Variants in CFAP54 observed in about 807,000 individuals in gnomAD.
CFAP54 encodes cilia- and flagella-associated protein 54.
In CFAP54, 290 loss-of-function variants were observed where a neutral mutation model predicts 370.4. The ratio of observed to expected loss-of-function variants is 0.78; its 90% CI spans 0.71 to 0.86. The LOEUF is 0.86. Ranked by LOEUF, CFAP54 falls within the 40% of genes least tolerant of loss-of-function variation. CFAP54 has a pLI of 0.00. For missense variants in CFAP54, 3,399 were observed against 3,528.7 expected (o/e 0.96, Z 0.93); for synonymous variants, 1,206 against 1,236.5 (o/e 0.98, Z 0.52).
chr12:96,715,331 G>A (rs1957664940), intron 48 of CFAP54, among the ~76,000 whole-genome samples: 1 of 152,154 alleles, frequency 6.6e-6, no homozygotes, highest in Admixed American at 6.6e-5. Flanking sequence ...TGTCAACAGA[G>A]AATTGGATTT....
intron 17 of CFAP54, among the ~76,000 whole-genome samples, chr12:96,559,425 C>G (rs1955792453): frequency 6.6e-6 from 1 of 152,058 alleles, no homozygotes; most frequent in Non-Finnish European, 1.5e-5. Flanking sequence ...AAAAAGTTAA[C>G]TGTGGTAAAC....
rs4617640 is a variant in CFAP54 at position 96,664,781 on chromosome 12, A to C, written c.5563+849A>C. Among the ~76,000 whole-genome samples, 14 of 25,914 alleles carry C rather than the reference A, an allele frequency of 5.4e-4. 1 individual carries two copies. The highest frequency in any genetic ancestry group is 5.2e-4 in the Non-Finnish European group (8 of 15,402). 17.0% of individuals were successfully genotyped at this position (25,914 alleles called of 152,430 possible). On this transcript the variant is annotated intron_variant, in intron 39 of 67. Transcript: ENST00000524981. ...TATATATATCTATATCTATATCTAT[A>C]TATATATATATATATATATATATAT...
intron 62 of CFAP54, among the ~76,000 whole-genome samples, chr12:96,787,783 T>A (rs1958642943): frequency 6.6e-6 from 1 of 152,156 alleles, no homozygotes; most frequent in African/African-American, 2.4e-5. Flanking sequence ...ATTTCAGAGA[T>A]ACTTTCTAAG....
intron 60 of CFAP54, among the ~76,000 whole-genome samples, chr12:96,780,221 G>T (rs955322474): frequency 2.6e-5 from 4 of 152,108 alleles, no homozygotes; most frequent in African/African-American, 9.6e-5. Flanking sequence ...ATAATGGTTT[G>T]TATGCTTTTT....
chr12:96,682,609 C>T (rs1432455528), intron 40 of CFAP54, among the ~76,000 whole-genome samples: 1 of 152,122 alleles, frequency 6.6e-6, no homozygotes, highest in African/African-American at 2.4e-5. Flanking sequence ...CTCTTGGGCT[C>T]AAGCTATAAG....
At chr12:96,506,121 C>A (rs899169332) in intron 3 of CFAP54, among the ~76,000 whole-genome samples, 1 of 152,004 alleles carries the variant, frequency 6.6e-6, no homozygotes, top group Admixed American at 6.6e-5. Flanking sequence ...AGGCGGATCA[C>A]GAGGTCAGGA....
chr12:96,521,541 TGTGTGTGC>T (rs56981701), intron 6 of CFAP54, among the ~76,000 whole-genome samples: 43,411 of 118,778 alleles, frequency 0.37, 6,364 homozygotes, highest in East Asian at 0.54. Context: ...TGTGTGTGTG[TGTGTGTGC>T]GCGTGCGCAC....
chr12:96,858,149 T>A (rs1959765160), intron 66 of CFAP54, among the ~76,000 whole-genome samples: 1 of 152,220 alleles, frequency 6.6e-6, no homozygotes, highest in Non-Finnish European at 1.5e-5. Context: ...TCCCTTTTTC[T>A]CTGCAACCTT....
chr12:96,679,423 A>G (rs1957246104), intron 39 of CFAP54, among the ~76,000 whole-genome samples, 177 bp from the exon 40 acceptor site: 1 of 151,102 alleles, frequency 6.6e-6, no homozygotes, highest in African/African-American at 2.4e-5. Context: ...CTTCTGGTAT[A>G]CTAAAAGAAA....
intron 32 of CFAP54, among the ~76,000 whole-genome samples, chr12:96,634,046 CTTTTTTTTTTTTT>C (rs71437232): frequency 3.5e-5 from 2 of 56,866 alleles, no homozygotes; most frequent in South Asian, 9.2e-4. Flanking sequence ...TAGCGAACAT[CTTTTTTTTTTTTT>C]TTTTTTTTTT....
chr12:96,580,148 A>G (rs577657513), intron 20 of CFAP54, among the ~76,000 whole-genome samples: 44 of 151,922 alleles, frequency 2.9e-4, no homozygotes, highest in African/African-American at 1.0e-3. Context: ...AAAATATGAA[A>G]ATCACTTGAG....
At chr12:96,826,857 ATTATATAATATT>A (rs1164363598) in intron 65 of CFAP54, among the ~76,000 whole-genome samples, 5 of 117,626 alleles carry the variant, frequency 4.3e-5, no homozygotes, top group African/African-American at 1.3e-4. Flanking sequence ...TATATAATAT[ATTATATAATATT>A]ATGATATATT....
chr12:96,730,898 A>C (rs1957913083), intron 50 of CFAP54, among the ~76,000 whole-genome samples: 1 of 152,118 alleles, frequency 6.6e-6, no homozygotes, highest in South Asian at 2.1e-4. Flanking sequence ...GATTTGGGAG[A>C]TTTATAATTT....
chr12:96,503,126 CTT>C (rs1469988806), intron 2 of CFAP54, among the ~76,000 whole-genome samples: 1 of 143,918 alleles, frequency 6.9e-6, no homozygotes, highest in Non-Finnish European at 1.5e-5. Context: ...TTCTTTCTCG[CTT>C]TCTCTCTCTC....
Position 96,503,988 on chromosome 12 carries a change from T to C in CFAP54, c.526T>C (p.Phe176Leu). 6.6e-7 allele frequency: 1 copy of C among 1,523,960 alleles called. No individual in the cohort carries two copies. Among genetic ancestry groups the C allele is most frequent in the South Asian group, 1.2e-5 (1 of 81,128 alleles). The allele number at this position is 1,523,960 out of a possible 1,614,324, so 94.4% of individuals were successfully genotyped here. A position where few individuals can be genotyped will look rare whatever the true frequency, so the allele number is the denominator to read the frequency against. ...GGATGTAACTCAATTCAAAGCTACC[T>C]TTTTCCCAAAAGGCTTTAAAGATAA... ...KVDVTQFKAT[F>L]FPKGFKDKTA... Residue 176 changes from phenylalanine to leucine, a missense_variant, in exon 3 of 68, where the codon TTT becomes CTT. Physicochemically the swap from Phe to Leu is conservative, Grantham distance 22. This residue lies in a region of CFAP54 where 559 missense variants were observed against 576.7 expected (regional missense o/e 0.97). Transcript: ENST00000524981.
chr12:96,627,033 G>A (rs1956556371), intron 30 of CFAP54, 94 bp downstream of exon 30: 4 of 922,828 alleles, frequency 4.3e-6, no homozygotes, highest in Admixed American at 3.8e-5. Context: ...GAAAAAGAGA[G>A]TGGAGTATAT....
rs17326839 is a variant in CFAP54 at position 96,739,959 on chromosome 12, T to A, written c.6969T>A (p.Ala2323=). 6 of 1,498,524 alleles carry A rather than the reference T, an allele frequency of 4.0e-6. No individual in the cohort carries two copies. Among genetic ancestry groups the A allele is most frequent in the Non-Finnish European group, 5.5e-6 (6 of 1,083,808 alleles). The allele number at this position is 1,498,524 out of a possible 1,614,324, so 92.8% of individuals were successfully genotyped here. Reference sequence around the variant, plus strand: ...TAAAATATATTTTCTATTTTAGTGCTGCAATAGTATTTTCTACACTTACAC... The same window carrying A: ...TAAAATATATTTTCTATTTTAGTGCAGCAATAGTATTTTCTACACTTACAC... ...ALQRHRAAYS[A]AIVFSTLTLL... The change falls in exon 51 of 68, where the codon GCT becomes GCA. Residue 2323 remains alanine, a synonymous_variant. Coordinates refer to ENST00000524981, the MANE Select transcript of CFAP54 (RefSeq NM_001306084.2).
At chr12:96,541,648 G>A (rs1398708795) in intron 14 of CFAP54, among the ~76,000 whole-genome samples, 1 of 152,054 alleles carries the variant, frequency 6.6e-6, no homozygotes, top group African/African-American at 2.4e-5. Flanking sequence ...AAGAGTGAAT[G>A]CTTGAAGGAA....
At chr12:96,657,152 T>A (rs1022108622) in intron 36 of CFAP54, among the ~76,000 whole-genome samples, 2 of 152,222 alleles carry the variant, frequency 1.3e-5, no homozygotes, top group East Asian at 1.9e-4. Flanking sequence ...GTTACCCAAC[T>A]GTTTTGGGCT....
Sources: gnomAD v4.1 joint callset for allele counts (sites outside exome capture counted in the v4.1 genomes callset) on GRCh38, gnomAD v4.1.1 for gene constraint, gnomAD v4.1.1 regional missense constraint, MANE v1.5 for transcripts, NCBI Gene and HGNC (gene_info 2026-07-23, HGNC 2026-07-21) for gene names.